CCDC198: variants seen among roughly 807,000 people sequenced by gnomAD.
CCDC198 encodes factor associated with metabolism and energy.
CCDC198 carries 18 observed loss-of-function variants against 35.6 expected under a neutral mutation model. That is an observed-to-expected ratio of 0.51 (90% CI 0.35 to 0.75). The LOEUF (loss-of-function observed/expected upper bound fraction) is 0.75. Ranked by LOEUF, CCDC198 falls within the 30% of genes least tolerant of loss-of-function variation. The pLI is 0.01. For missense variants in CCDC198, 365 were observed against 343.7 expected (o/e 1.06, Z -0.49); for synonymous variants, 119 against 113.4 (o/e 1.05, Z -0.31).
chr14:57,469,500 A>T lies in CCDC198; in HGVS notation c.*1855T>A, dbSNP rs1450836221. The T allele has an allele frequency of 6.6e-6, 1 of 152,186 alleles. No homozygotes were observed. 9.4% of individuals were successfully genotyped at this position (152,186 alleles called of 1,614,324 possible). ...ACGTGCCTTTGGCTCCACTAATTTTAGTGTTCAAAGTTATCCATCCCATTT... is the reference window on the plus strand; with the variant it reads ...ACGTGCCTTTGGCTCCACTAATTTTTGTGTTCAAAGTTATCCATCCCATTT... On this transcript the variant is annotated 3_prime_UTR_variant, in exon 6 of 6. Coordinates refer to ENST00000216445, the MANE Select transcript of CCDC198 (RefSeq NM_018168.4).
At chr14:57,480,374 A>G in intron 5 of CCDC198, 2 of 886,082 alleles carry the variant, frequency 2.3e-6, no homozygotes, top group Non-Finnish European at 2.7e-6. Context: ...AAACCCATAC[A>G]AAGAAAGAGA....
chr14:57,480,366 A>T, intron 5 of CCDC198: 1 of 907,210 alleles, frequency 1.1e-6, no homozygotes, highest in Non-Finnish European at 1.3e-6. Flanking sequence ...AGCATATTAA[A>T]CCCATACAAA....
At chr14:57,471,816 A>G (rs1447505912) in intron 5 of CCDC198, among the ~76,000 whole-genome samples, 3 of 151,108 alleles carry the variant, frequency 2.0e-5, no homozygotes, top group Admixed American at 6.6e-5. Context: ...TAAATCTTCC[A>G]AAAGTCACAA....
Position 57,471,537 on chromosome 14 carries a change from G to C in CCDC198, c.709C>G (p.Pro237Ala). 2 of 1,613,300 alleles carry C rather than the reference G, an allele frequency of 1.2e-6. No homozygotes were observed. The highest frequency in any genetic ancestry group is 8.5e-7 in the Non-Finnish European group (1 of 1,179,636). Residue 237 changes from proline (P) to alanine (A), a missense_variant, in exon 6 of 6, where the codon CCC (proline) becomes GCC (alanine). Pro to Ala is a conservative substitution (Grantham distance 27). Coordinates refer to ENST00000216445, the MANE Select transcript of CCDC198 (RefSeq NM_018168.4). ...LKHQAVNNYC[P>A]WKIGKMETWL... Reference sequence around the variant, plus strand: ...GTTTCCATTTTGCCAATTTTCCAGGGACAGTAGTTATTCACTGCTTGATGT... The same window carrying C: ...GTTTCCATTTTGCCAATTTTCCAGGCACAGTAGTTATTCACTGCTTGATGT...
Position 57,493,650 on chromosome 14 carries a change from C to T in CCDC198, c.66G>A (p.Glu22=), listed in dbSNP as rs769227416. 6.8e-6 allele frequency: 11 copies of T among 1,613,936 alleles called. No individual in the cohort carries two copies. The highest frequency in any genetic ancestry group is 1.7e-5 in the Admixed American group (1 of 59,966). Reference sequence around the variant, plus strand: ...CACGGCCAGCCGAGGGAGTCTCTACCTCTTTGTTTTGCAAAGGTGCTACTT... The same window carrying T: ...CACGGCCAGCCGAGGGAGTCTCTACTTCTTTGTTTTGCAAAGGTGCTACTT... ...VIKVAPLQNK[E]VETPSAGRVD... The change falls in exon 1 of 6, where the codon GAG becomes GAA. Residue 22 remains glutamate (E), a synonymous_variant. Coordinates refer to ENST00000216445, the MANE Select transcript of CCDC198 (RefSeq NM_018168.4).
rs1005361191 is a variant in CCDC198 at position 57,479,104 on chromosome 14, T to C, written c.655+1491A>G. ...GTAGCGTAGAAGTTGTAGACAAGCC[T>C]GTCCATTAGAAAGCATAGAGCGATC... is the stretch of plus-strand genomic sequence containing the variant. On this transcript the variant is annotated intron_variant, in intron 5 of 5. Coordinates refer to ENST00000216445, the MANE Select transcript of CCDC198 (RefSeq NM_018168.4). The C allele has an allele frequency of 7.3e-6, 8 of 1,102,792 alleles. No individual in the cohort carries two copies. In the African/African-American group the frequency reaches 1.3e-4, roughly 18 times the overall value. 68.3% of individuals were successfully genotyped at this position (1,102,792 alleles called of 1,614,324 possible).
intron 5 of CCDC198, among the ~76,000 whole-genome samples, chr14:57,472,752 T>G (rs1451779509): frequency 6.6e-6 from 1 of 152,208 alleles, no homozygotes; most frequent in Non-Finnish European, 1.5e-5. Flanking sequence ...AGTTTTTTAT[T>G]TAAGCAGTTC....
chr14:57,481,138 G>T (rs981606241), intron 4 of CCDC198, among the ~76,000 whole-genome samples: 20 of 152,056 alleles, frequency 1.3e-4, no homozygotes, highest in African/African-American at 3.4e-4. Context: ...TGTTTGTTTG[G>T]TTGGTTGGTT....
chr14:57,491,790 T>G (rs2067579261), intron 1 of CCDC198, among the ~76,000 whole-genome samples: 2 of 152,110 alleles, frequency 1.3e-5, no homozygotes, highest in African/African-American at 4.8e-5. Context: ...TGTCCTTCCC[T>G]TTTAACAATC....
chr14:57,475,344 G>T, intron 5 of CCDC198: 6 of 974,008 alleles, frequency 6.2e-6, no homozygotes, highest in Non-Finnish European at 7.3e-6. Context: ...TATAGAAAGA[G>T]TGCAGGTGGC....
Position 57,471,028 on chromosome 14 carries a change from AGTAGTCCAAAT to A in CCDC198, c.*316_*326del, listed in dbSNP as rs1211626636. 4.1e-6 allele frequency: 1 copy of A among 241,890 alleles called. No individual in the cohort carries two copies. The highest frequency in any genetic ancestry group is 8.1e-6 in the Non-Finnish European group (1 of 123,986). 15.0% of individuals were successfully genotyped at this position (241,890 alleles called of 1,614,324 possible). ...GGGGCCTCTGGATGACTCCAGTCTT[AGTAGTCCAAAT>A]GTAGTCCAATTTCAATGACATGAAA... On this transcript the variant is annotated 3_prime_UTR_variant, in exon 6 of 6. Transcript: ENST00000216445.
At chr14:57,480,879 A>G (rs2067160315) in intron 4 of CCDC198, 125 bp from the exon 5 acceptor site, 1 of 910,278 alleles carries the variant, frequency 1.1e-6, no homozygotes, top group Admixed American at 2.5e-5. Context: ...CTCTAACCAG[A>G]ACATGGTTTT....
Position 57,481,677 on chromosome 14 carries a change from A to G in CCDC198, c.394-17T>C. 6.7e-7 allele frequency: 1 copy of G among 1,490,604 alleles called. No individual in the cohort carries two copies. Among genetic ancestry groups the G allele is most frequent in the Non-Finnish European group, 9.3e-7 (1 of 1,072,054 alleles). The allele number at this position is 1,490,604 out of a possible 1,614,324, so 92.3% of individuals were successfully genotyped here. ...TAGTACCTGCTATGAAAGACAACAC[A>G]CTTGTTAGTATGGGGTAATTTGTTA... On this transcript the variant is annotated splice_polypyrimidine_tract_variant and intron_variant, in intron 3 of 5. Transcript: ENST00000216445.
At chr14:57,487,355 A>G (rs965002364) in intron 2 of CCDC198, among the ~76,000 whole-genome samples, 4 of 152,124 alleles carry the variant, frequency 2.6e-5, no homozygotes, top group Non-Finnish European at 2.9e-5. Context: ...GAGTGCTGAT[A>G]TGGGGGTTGC....
chr14:57,471,432 C>T lies in CCDC198; in HGVS notation c.814G>A (p.Glu272Lys). 6.2e-7 allele frequency: 1 copy of T among 1,613,992 alleles called. No homozygotes were observed. The highest frequency in any genetic ancestry group is 1.6e-4 in the Middle Eastern group (1 of 6,062). Residue 272 changes from glutamate to lysine, a missense_variant, in exon 6 of 6, where the codon GAG becomes AAG. By Grantham distance (56) the Glu-to-Lys change is moderately conservative. Coordinates refer to ENST00000216445, the MANE Select transcript of CCDC198 (RefSeq NM_018168.4). ...CTCACCAGTGCTCGTGGCTTCTTCT[C>T]ATCTTTCCCCTGCTCATCTGAGTCA... ...SSDSDEQGKD[E>K]KKPRALVRTR...
In CCDC198 at chr14:57,475,788, C is replaced by CTTTTTTTTTTT. The variant is rs548486752; in HGVS notation, c.656-4209_656-4199dup. On this transcript the variant is annotated intron_variant, in intron 5 of 5. Coordinates refer to ENST00000216445, the MANE Select transcript of CCDC198 (RefSeq NM_018168.4). Reference sequence around the variant, plus strand: ...CATACATTTGTACGGCACTTAGCTTCTTTTTTTTTTTTTTTTTTTTTTTTT... The same window carrying CTTTTTTTTTTT: ...CATACATTTGTACGGCACTTAGCTTCTTTTTTTTTTTTTTTTTTTTTTTTTTTTTTTTTTTT... 2.0e-4 allele frequency: 22 copies of CTTTTTTTTTTT among 108,838 alleles called. 2 individuals are homozygous for CTTTTTTTTTTT. Among genetic ancestry groups the CTTTTTTTTTTT allele is most frequent in the Non-Finnish European group, 2.5e-4 (15 of 60,758 alleles). The allele number at this position is 108,838 out of a possible 1,614,324, so 6.7% of individuals were successfully genotyped here.
chr14:57,475,441 A>T, intron 5 of CCDC198: 3 of 1,231,860 alleles, frequency 2.4e-6, no homozygotes, highest in Non-Finnish European at 3.1e-6. Flanking sequence ...TTTCACTATA[A>T]GACATCAATT....
At position 57,471,443 on chromosome 14, in the gene CCDC198, T is replaced by G. The variant is rs774148887; in HGVS notation, c.803A>C (p.Gln268Pro). The G allele has an allele frequency of 6.2e-7, 1 of 1,614,034 alleles. No homozygotes were observed. The highest frequency in any genetic ancestry group is 8.5e-7 in the Non-Finnish European group (1 of 1,179,976). The change falls in exon 6 of 6, where the codon CAG (glutamine) becomes CCG (proline). Residue 268 changes from glutamine to proline, a missense_variant. Gln to Pro is a moderately conservative substitution (Grantham distance 76). Coordinates refer to ENST00000216445, the MANE Select transcript of CCDC198 (RefSeq NM_018168.4). Reference protein sequence around the residue: ...WDSSSSDSDEQGKDEKKPRAL... With the variant: ...WDSSSSDSDEPGKDEKKPRAL... ...TCGTGGCTTCTTCTCATCTTTCCCCTGCTCATCTGAGTCAGAGCTGGAACT... is the reference window on the plus strand; with the variant it reads ...TCGTGGCTTCTTCTCATCTTTCCCCGGCTCATCTGAGTCAGAGCTGGAACT...
rs1029215881 is a variant in CCDC198 at position 57,491,089 on chromosome 14, G to A, written c.224-18C>T. 8.1e-6 allele frequency: 13 copies of A among 1,606,078 alleles called. No individual in the cohort carries two copies. The highest frequency in any genetic ancestry group is 1.0e-5 in the Non-Finnish European group (12 of 1,175,064). ...TCTGGATGCTTGAAGGATTGGGGAA[G>A]AAACAGGAATAAAACATTAAATATA... On this transcript the variant is annotated intron_variant, in intron 1 of 5. Coordinates refer to ENST00000216445, the MANE Select transcript of CCDC198 (RefSeq NM_018168.4).
Sources: allele counts gnomAD v4.1 joint callset (sites outside exome capture counted in the v4.1 genomes callset), GRCh38; gene constraint gnomAD v4.1.1; transcripts MANE v1.5; gene names NCBI Gene and HGNC (gene_info 2026-07-23, HGNC 2026-07-21).